NXPH1: variants seen among roughly 807,000 people sequenced by gnomAD.
The protein encoded by NXPH1 is neurexophilin-1.
In NXPH1, 5 loss-of-function variants were observed where a neutral mutation model predicts 23.7. That is an observed-to-expected ratio of 0.21 (90% CI 0.11 to 0.44). The LOEUF is 0.44. Among genes scored for constraint, NXPH1 ranks in the 20% least tolerant of loss-of-function variants. NXPH1 has a pLI of 0.99. For missense variants in NXPH1, 324 were observed against 321.6 expected (o/e 1.01, Z -0.06); for synonymous variants, 144 against 122.2 (o/e 1.18, Z -1.18).
chr7:8,542,534 TC>T (rs1818135646), intron 2 of NXPH1, among the ~76,000 whole-genome samples: 1 of 151,654 alleles, frequency 6.6e-6, no homozygotes. Flanking sequence ...TGTTTTCAAA[TC>T]TACATAGTGT....
At chr7:8,471,590 G>A (rs943355254) in intron 2 of NXPH1, among the ~76,000 whole-genome samples, 1 of 152,082 alleles carries the variant, frequency 6.6e-6, no homozygotes. Flanking sequence ...TCTTGACTTG[G>A]CATGGAACAG....
At chr7:8,525,481 C>T (rs1407650949) in intron 2 of NXPH1, among the ~76,000 whole-genome samples, 1 of 152,124 alleles carries the variant, frequency 6.6e-6, no homozygotes, top group East Asian at 1.9e-4. Context: ...TAGCAAGGAG[C>T]CTAATGTTAA....
Position 8,670,953 on chromosome 7 carries a change from T to C in NXPH1, c.55-80055T>C, listed in dbSNP as rs1203546069. Among the ~76,000 whole-genome samples, 4 of 152,180 alleles carry C rather than the reference T, an allele frequency of 2.6e-5. No homozygotes were observed. In the South Asian group the frequency reaches 6.2e-4, roughly 24 times the overall value. On this transcript the variant is annotated intron_variant, in intron 2 of 2. Coordinates refer to ENST00000405863, the MANE Select transcript of NXPH1 (RefSeq NM_152745.3). The stretch of plus-strand genomic sequence containing the variant: ...TGATAGCACCTCTGACATGGTCTTA[T>C]CTACTTGGGATGTACTCATCTGCCT...
At chr7:8,536,081 G>C (rs1021276284) in intron 2 of NXPH1, among the ~76,000 whole-genome samples, 26 of 151,994 alleles carry the variant, frequency 1.7e-4, no homozygotes, top group Non-Finnish European at 3.7e-4. Context: ...AATCACATTT[G>C]TAATTGTGTG....
intron 2 of NXPH1, among the ~76,000 whole-genome samples, chr7:8,613,738 A>G (rs971165235): frequency 1.6e-4 from 24 of 151,896 alleles, no homozygotes; most frequent in Non-Finnish European, 3.1e-4. Context: ...TTTATATCTC[A>G]TAGTGTTTTT....
intron 2 of NXPH1, among the ~76,000 whole-genome samples, chr7:8,473,968 G>T (rs781654509): frequency 6.6e-6 from 1 of 152,108 alleles, no homozygotes; most frequent in Non-Finnish European, 1.5e-5. Flanking sequence ...TTACCCAGGA[G>T]CTTGATGAAT....
chr7:8,649,266 T>A (rs1265932542), intron 2 of NXPH1, among the ~76,000 whole-genome samples: 1 of 152,228 alleles, frequency 6.6e-6, no homozygotes, highest in Middle Eastern at 3.2e-3. Context: ...TTTGCTATCT[T>A]ATTTTGTGCT....
chr7:8,596,923 G>A (rs114297416), intron 2 of NXPH1, among the ~76,000 whole-genome samples: 21 of 152,166 alleles, frequency 1.4e-4, no homozygotes, highest in African/African-American at 4.6e-4. Flanking sequence ...TATATGCAAC[G>A]TGCAGGAATC....
intron 2 of NXPH1, among the ~76,000 whole-genome samples, chr7:8,519,647 T>C (rs532397170): frequency 1.3e-5 from 2 of 152,342 alleles, no homozygotes; most frequent in East Asian, 3.9e-4. Flanking sequence ...CATTTCCTTG[T>C]GCCTTCTTCT....
chr7:8,719,208 G>A (rs553556479), intron 2 of NXPH1, among the ~76,000 whole-genome samples: 1 of 152,318 alleles, frequency 6.6e-6, no homozygotes, highest in African/African-American at 2.4e-5. Context: ...AATATGCAAA[G>A]CGCAGATTTC....
chr7:8,719,751 G>A lies in NXPH1; in HGVS notation c.55-31257G>A, dbSNP rs145475432. Among the ~76,000 whole-genome samples the A allele has an allele frequency of 4.2e-4, 64 of 152,140 alleles. 1 individual carries two copies. In the East Asian group the frequency reaches 0.012, roughly 28 times the overall value. On this transcript the variant is annotated intron_variant, in intron 2 of 2. Transcript: ENST00000405863. ...CTTAAAATGTGCAATGTTTTCCGAC[G>A]TGAATTTAAATTATGGAAATGAAAT...
chr7:8,435,753 C>T lies in NXPH1; in HGVS notation c.40C>T (p.Pro14Ser), dbSNP rs375769626. 3 of 1,613,740 alleles carry T rather than the reference C, an allele frequency of 1.9e-6. No individual in the cohort carries two copies. Among genetic ancestry groups the T allele is most frequent in the African/African-American group, 2.7e-5 (2 of 74,868 alleles). Reference sequence around the variant, plus strand: ...CTGGTACGTGCTTTTCCTCCTGCAGCCCACCGTCTACTTGGTAAGTCTTGG... The same window carrying T: ...CTGGTACGTGCTTTTCCTCCTGCAGTCCACCGTCTACTTGGTAAGTCTTGG... ...ACWYVLFLLQ[P>S]TVYLVTCANL... The change falls in exon 2 of 3, where the codon CCC becomes TCC. Residue 14 changes from proline to serine, a missense_variant. Transcript: ENST00000405863. The surrounding 1 kb of genome is among the most constrained non-coding windows in gnomAD (Gnocchi z 5.9).
chr7:8,462,325 G>T (rs1245655001), intron 2 of NXPH1, among the ~76,000 whole-genome samples: 1 of 152,162 alleles, frequency 6.6e-6, no homozygotes, highest in East Asian at 1.9e-4. Context: ...GTCATTACAG[G>T]CGTGAACCAC....
chr7:8,576,446 T>G (rs1159582998), intron 2 of NXPH1, among the ~76,000 whole-genome samples: 1 of 152,156 alleles, frequency 6.6e-6, no homozygotes, highest in African/African-American at 2.4e-5. Flanking sequence ...AGAACTAATT[T>G]CTACTGAAGC....
At chr7:8,583,833 TA>T (rs1251623744) in intron 2 of NXPH1, among the ~76,000 whole-genome samples, 1 of 151,988 alleles carries the variant, frequency 6.6e-6, no homozygotes, top group Non-Finnish European at 1.5e-5. Flanking sequence ...GGAGGAGAGG[TA>T]GGGTAGCAAG....
At chr7:8,719,445 A>T (rs1779930263) in intron 2 of NXPH1, among the ~76,000 whole-genome samples, 1 of 149,692 alleles carries the variant, frequency 6.7e-6, no homozygotes, top group Non-Finnish European at 1.5e-5. Flanking sequence ...GTACAACCCT[A>T]GTGGGGACAT....
At chr7:8,500,445 G>A (rs189867482) in intron 2 of NXPH1, among the ~76,000 whole-genome samples, 1 of 152,084 alleles carries the variant, frequency 6.6e-6, no homozygotes, top group Non-Finnish European at 1.5e-5. Flanking sequence ...CTAGCTGTGT[G>A]ACCTTGGGCA....
At chr7:8,528,972 G>A (rs1817909093) in intron 2 of NXPH1, among the ~76,000 whole-genome samples, 1 of 152,224 alleles carries the variant, frequency 6.6e-6, no homozygotes, top group South Asian at 2.1e-4. Context: ...GGTATCCCAT[G>A]TAGTTCCCAT....
At chr7:8,597,407 A>G (rs996010526) in intron 2 of NXPH1, among the ~76,000 whole-genome samples, 1 of 152,074 alleles carries the variant, frequency 6.6e-6, no homozygotes, top group South Asian at 2.1e-4. Context: ...TGGATGGTAG[A>G]GCACCTGTGT....
Sources: gnomAD v4.1 joint callset for allele counts (sites outside exome capture counted in the v4.1 genomes callset) on GRCh38, gnomAD v4.1.1 for gene constraint, Gnocchi (gnomAD v3.1) non-coding constraint, MANE v1.5 for transcripts, NCBI Gene and HGNC (gene_info 2026-07-23, HGNC 2026-07-21) for gene names.